Variants in LINC00237 observed in about 807,000 individuals in gnomAD.
LINC00237 encodes the protein long intergenic non-protein coding RNA 237.
chr20:21,097,347 T>C (rs1467972590), intron 1 of LINC00237, among the ~76,000 whole-genome samples: 2 of 152,168 alleles, frequency 1.3e-5, no homozygotes, highest in Non-Finnish European at 2.9e-5. Context: ...TGACTGGATT[T>C]GGGGTTAAGT....
chr20:21,092,953 G>C (rs1200777870), intron 2 of LINC00237: 1 of 152,114 alleles, frequency 6.6e-6, no homozygotes. Context: ...TTACAGATGG[G>C]GAAGCCTTCT....
chr20:21,088,957 G>C (rs550125116), intron 2 of LINC00237, among the ~76,000 whole-genome samples: 2 of 151,862 alleles, frequency 1.3e-5, no homozygotes, highest in African/African-American at 4.8e-5. Context: ...GAACCCTGTG[G>C]TTATTATTAT....
In LINC00237 at chr20:21,102,680, A is replaced by G. The variant is rs1237750646; in HGVS notation, n.88+3591T>C. Among the ~76,000 whole-genome samples the G allele has an allele frequency of 2.7e-5, 4 of 147,456 alleles. No individual in the cohort carries two copies. In the Admixed American group the frequency reaches 2.7e-4, roughly 10 times the overall value. ...CAGAAGAACGGAGAACCAAGGAGTT[A>G]ATTCCTATTTTATAAGAAAAAAAAA... On this transcript the variant is annotated intron_variant and non_coding_transcript_variant, in intron 1 of 3. Transcript: ENST00000691244.
intron 1 of LINC00237, among the ~76,000 whole-genome samples, chr20:21,100,834 A>C (rs1480957263): frequency 6.6e-6 from 1 of 152,086 alleles, no homozygotes; most frequent in Non-Finnish European, 1.5e-5. Context: ...CAAGTCTTTC[A>C]TCATGTTTCT....
intron 3 of LINC00237, among the ~76,000 whole-genome samples, chr20:21,087,315 G>T (rs2122165576): frequency 6.6e-6 from 1 of 151,986 alleles, no homozygotes; most frequent in Non-Finnish European, 1.5e-5. Flanking sequence ...CTAATCTGCT[G>T]CCTAGAGAGC....
At chr20:21,090,027 C>A (rs1187336956) in intron 2 of LINC00237, 2 of 152,218 alleles carry the variant, frequency 1.3e-5, no homozygotes, top group Non-Finnish European at 2.9e-5. Context: ...GAATGTCTTT[C>A]CATTGTTTCA....
chr20:21,104,264 C>T (rs947035223), intron 1 of LINC00237, among the ~76,000 whole-genome samples: 1 of 152,212 alleles, frequency 6.6e-6, no homozygotes, highest in Non-Finnish European at 1.5e-5. Context: ...TGTCTGAGAG[C>T]AGCACAGATG....
intron 1 of LINC00237, among the ~76,000 whole-genome samples, chr20:21,095,602 A>C (rs149486734): frequency 1.6e-3 from 240 of 152,344 alleles, no homozygotes; most frequent in Middle Eastern, 3.4e-3. Context: ...CAACCTGGCT[A>C]GAGCAAGCAT....
rs1001916807 is a variant in LINC00237 at position 21,101,035 on chromosome 20, A to C, written n.88+5236T>G. On this transcript the variant is annotated intron_variant and non_coding_transcript_variant, in intron 1 of 3. Transcript: ENST00000691244. The surrounding 1 kb of genome is among the most constrained non-coding windows in gnomAD (Gnocchi z 4.3). The stretch of plus-strand genomic sequence containing the variant: ...ATGCAGCGGGCAAACAAGGAGATTT[A>C]TCCCGCGACAAACAGCCCCACCGAG... Among the ~76,000 whole-genome samples the C allele has an allele frequency of 6.8e-6, 1 of 147,666 alleles. No homozygotes were observed. Among genetic ancestry groups the C allele is most frequent in the African/African-American group, 2.5e-5 (1 of 39,808 alleles).
At chr20:21,094,433 A>G (rs2030830092) in intron 1 of LINC00237, among the ~76,000 whole-genome samples, 1 of 152,224 alleles carries the variant, frequency 6.6e-6, no homozygotes. Context: ...ATTAAAGACA[A>G]AATAACAAGT....
At chr20:21,104,421 G>A (rs1342132751) in intron 1 of LINC00237, among the ~76,000 whole-genome samples, 1 of 152,260 alleles carries the variant, frequency 6.6e-6, no homozygotes, top group Non-Finnish European at 1.5e-5. Flanking sequence ...GACTCCGGCT[G>A]CAGAGGCGGC....
intron 3 of LINC00237, among the ~76,000 whole-genome samples, chr20:21,086,653 A>ATATAGTATACTATATATATAGTATAC (rs2030703932): frequency 2.8e-5 from 3 of 107,526 alleles, no homozygotes; most frequent in African/African-American, 1.0e-4. Context: ...AGTATACTAT[A>ATATAGTATACTATATATATAGTATAC]TATGTATAGT....
At chr20:21,087,003 C>T (rs1046279234) in intron 3 of LINC00237, among the ~76,000 whole-genome samples, 1 of 139,476 alleles carries the variant, frequency 7.2e-6, no homozygotes, top group Non-Finnish European at 1.5e-5. Context: ...ATATATAGTA[C>T]ATATATAGTA....
intron 2 of LINC00237, chr20:21,088,053 G>A (rs1157608994): frequency 6.6e-6 from 1 of 152,182 alleles, no homozygotes; most frequent in Non-Finnish European, 1.5e-5. Context: ...ATGGTCATGT[G>A]ATTACATTGT....
At chr20:21,090,713 G>T (rs1035514947) in intron 2 of LINC00237, among the ~76,000 whole-genome samples, 1 of 152,136 alleles carries the variant, frequency 6.6e-6, no homozygotes, top group African/African-American at 2.4e-5. Flanking sequence ...GTGAGGAAAG[G>T]TCATCAAAAA....
At chr20:21,102,371 A>C (rs2122183754) in intron 1 of LINC00237, among the ~76,000 whole-genome samples, 1 of 152,270 alleles carries the variant, frequency 6.6e-6, no homozygotes, top group African/African-American at 2.4e-5. Context: ...CTAGCCGCAT[A>C]CCCACAACCC....
At chr20:21,091,192 C>CACA (rs2030788473) in intron 2 of LINC00237, among the ~76,000 whole-genome samples, 1 of 151,810 alleles carries the variant, frequency 6.6e-6, no homozygotes, top group Non-Finnish European at 1.5e-5. Context: ...CACACACACA[C>CACA]CTTTTTTTAT....
At chr20:21,097,168 T>C (rs2030869839) in intron 1 of LINC00237, among the ~76,000 whole-genome samples, 1 of 152,218 alleles carries the variant, frequency 6.6e-6, no homozygotes, top group Non-Finnish European at 1.5e-5. Context: ...CCGACAAAGC[T>C]GTTTCTTTTG....
exon 4 of LINC00237, among the ~76,000 whole-genome samples, chr20:21,085,768 T>C (rs2030683662): frequency 6.6e-6 from 1 of 152,218 alleles, no homozygotes; most frequent in Non-Finnish European, 1.5e-5. Context: ...GTAGGATTCA[T>C]CAATTGTACA....
Sources: allele counts gnomAD v4.1 joint callset (sites outside exome capture counted in the v4.1 genomes callset), GRCh38; gene constraint gnomAD v4.1.1; non-coding constraint Gnocchi (gnomAD v3.1); transcripts MANE v1.5; gene names NCBI Gene and HGNC (gene_info 2026-07-23, HGNC 2026-07-21).